RPS25: variants seen among roughly 807,000 people sequenced by gnomAD.
RPS25 encodes ribosomal protein S25.
A neutral mutation model predicts 14.4 loss-of-function variants in RPS25; 1 was observed. That is an observed-to-expected ratio of 0.07 (90% CI 0.02 to 0.33). The LOEUF (loss-of-function observed/expected upper bound fraction) is 0.33. Among genes scored for constraint, RPS25 ranks in the 10% least tolerant of loss-of-function variants. The probability of loss-of-function intolerance (pLI) is 1.00; values close to 1 mark genes in which losing one functional copy is unlikely to be tolerated. For missense variants in RPS25, 65 were observed against 144.6 expected (o/e 0.45, Z 2.82); for synonymous variants, 63 against 53.8 (o/e 1.17, Z -0.75).
At chr11:119,016,280 T>C (rs1454115115) in intron 3 of RPS25, among the ~76,000 whole-genome samples, 2 of 152,106 alleles carry the variant, frequency 1.3e-5, no homozygotes, top group Admixed American at 6.6e-5. Flanking sequence ...AATGAGACTC[T>C]AGTAAGGTTT....
chr11:119,017,258 CT>C (rs368289484), intron 3 of RPS25, 103 bp downstream of exon 3: 49,227 of 616,794 alleles, frequency 0.08, 2 homozygotes, highest in East Asian at 0.11. Context: ...TCAAGCCACG[CT>C]TTTTTTTTTT....
intron 3 of RPS25, among the ~76,000 whole-genome samples, chr11:119,016,813 G>A (rs908660586): frequency 2.6e-5 from 4 of 151,916 alleles, no homozygotes; most frequent in African/African-American, 9.7e-5. Flanking sequence ...AGTAGAGCAG[G>A]TTTTCACCAT....
intron 3 of RPS25, 27 bp downstream of exon 3, chr11:119,017,335 A>G (rs761303503): frequency 1.3e-4 from 199 of 1,532,336 alleles, no homozygotes; most frequent in Middle Eastern, 1.7e-4. Context: ...AACCTACAAA[A>G]ACACACATGT....
rs186247013 is a variant in RPS25, at chr11:119,018,205, A to G, written c.3+77T>C. On this transcript the variant is annotated intron_variant, in intron 1 of 4. Transcript: ENST00000527673. ...TGCAACCGAGGCCGGCAGGCCAAGG[A>G]GCGCTCCCGCCGAAGGCTCTCCCCA... 1.5e-3 allele frequency: 2,340 copies of G among 1,607,234 alleles called. 9 individuals are homozygous for G. The highest frequency in any genetic ancestry group is 7.4e-3 in the South Asian group (669 of 90,934).
chr11:119,017,666 T>C, intron 2 of RPS25, 121 bp from the exon 3 acceptor site: 3 of 955,082 alleles, frequency 3.1e-6, no homozygotes, highest in African/African-American at 1.7e-5. Context: ...TACACATTAC[T>C]AAAACAAAAA....
intron 3 of RPS25, 85 bp from the exon 4 acceptor site, chr11:119,016,024 A>G: frequency 1.2e-6 from 1 of 811,510 alleles, no homozygotes; most frequent in Non-Finnish European, 2.2e-6. Context: ...GCGGTGGCTC[A>G]TGCTTATAAT....
chr11:119,017,637 A>T, intron 2 of RPS25, 92 bp from the exon 3 acceptor site: 1 of 1,145,532 alleles, frequency 8.7e-7, no homozygotes. Flanking sequence ...AATCTGTTCC[A>T]CCGTTATCAA....
intron 3 of RPS25, among the ~76,000 whole-genome samples, chr11:119,016,860 G>A (rs1397322442): frequency 6.6e-6 from 1 of 152,098 alleles, no homozygotes; most frequent in Non-Finnish European, 1.5e-5. Context: ...GACCTCCGTT[G>A]ATTCACCCGC....
At chr11:119,017,762 CG>C in intron 2 of RPS25, 195 bp downstream of exon 2, 1 of 660,566 alleles carries the variant, frequency 1.5e-6, no homozygotes, top group South Asian at 2.0e-5. Flanking sequence ...GCAGGCACAG[CG>C]GCAGACACTT....
rs781804688 is a variant in RPS25, at chr11:119,018,099, A to G, written c.4-46T>C. 1.6e-5 allele frequency: 25 copies of G among 1,589,706 alleles called. No homozygotes were observed. The East Asian group carries it at 4.9e-4, about 31-fold the overall frequency. On this transcript the variant is annotated intron_variant, in intron 1 of 4. Transcript: ENST00000527673. ...TGCAACCAGGTCCTCAAATAGCGCC[A>G]AAGTCCCCTAATACTGCGCCCTCAG...
At chr11:119,018,120 CT>C in intron 1 of RPS25, 67 bp from the exon 2 acceptor site, 1 of 1,570,746 alleles carries the variant, frequency 6.4e-7, no homozygotes. Flanking sequence ...ATACTGCGCC[CT>C]CAGCCCCCGC....
At chr11:119,017,918 G>C (rs201468723) in intron 2 of RPS25, 40 bp downstream of exon 2, 2 of 1,493,318 alleles carry the variant, frequency 1.3e-6, no homozygotes, top group African/African-American at 1.4e-5. Flanking sequence ...GATTACGAGA[G>C]AGTTACCCCT....
chr11:119,017,471 G>C lies in RPS25; in HGVS notation c.174C>G (p.Leu58=), dbSNP rs782031879. 4 of 1,614,112 alleles carry C rather than the reference G, an allele frequency of 2.5e-6. No individual in the cohort carries two copies. Among genetic ancestry groups the C allele is most frequent in the Non-Finnish European group, 3.4e-6 (4 of 1,179,974 alleles). ...VLFDKATYDK[L]CKEVPNYKLI... ...GTTTATAGTTGGGAACTTCCTTACA[G>C]AGTTTATCATAGGTAGCTTTGTCAA... The change falls in exon 3 of 5, where the codon CTC becomes CTG. Residue 58 remains leucine (L), a synonymous_variant. Transcript: ENST00000527673.
intron 3 of RPS25, among the ~76,000 whole-genome samples, chr11:119,016,644 C>A (rs908338019): frequency 2.0e-5 from 3 of 151,400 alleles, no homozygotes; most frequent in South Asian, 2.1e-4. Flanking sequence ...ACCCCCCCCC[C>A]CTTTCTGAGA....
intron 3 of RPS25, 124 bp downstream of exon 3, chr11:119,017,238 C>T: frequency 1.5e-6 from 1 of 674,332 alleles, no homozygotes. Flanking sequence ...ACATTACTAA[C>T]AGCCAATGGT....
chr11:119,017,913 CGAGA>C (rs782053578), intron 2 of RPS25, 41 bp downstream of exon 2: 48 of 1,472,378 alleles, frequency 3.3e-5, no homozygotes, highest in Non-Finnish European at 4.5e-5. Context: ...TAGAGGATTA[CGAGA>C]GAGTTACCCC....
intron 1 of RPS25, 79 bp downstream of exon 1, chr11:119,018,203 G>A: frequency 6.2e-7 from 1 of 1,607,052 alleles, no homozygotes; most frequent in South Asian, 1.1e-5. Flanking sequence ...GGCAGGCCAA[G>A]GAGCGCTCCC....
rs569971045 is a variant in RPS25 at position 119,017,245 on chromosome 11, T to A, written c.283+117A>T. ...TCAGAATTACATTACTAACAGCCAA[T>A]GGTCAAGCCACGCTTTTTTTTTTTA... On this transcript the variant is annotated intron_variant, in intron 3 of 4. Coordinates refer to ENST00000527673, the MANE Select transcript of RPS25 (RefSeq NM_001028.3). 10 of 730,454 alleles carry A rather than the reference T, an allele frequency of 1.4e-5. No homozygotes were observed. In the African/African-American group the frequency reaches 1.8e-4, roughly 13 times the overall value. 45.2% of individuals were successfully genotyped at this position (730,454 alleles called of 1,614,324 possible).
intron 3 of RPS25, among the ~76,000 whole-genome samples, 188 bp from the exon 4 acceptor site, chr11:119,016,127 A>G (rs898357389): frequency 5.3e-5 from 8 of 152,142 alleles, no homozygotes; most frequent in African/African-American, 1.9e-4. Flanking sequence ...ATCTCTACCA[A>G]AAATACAAAA....
Sources: gnomAD v4.1 joint callset for allele counts (sites outside exome capture counted in the v4.1 genomes callset) on GRCh38, gnomAD v4.1.1 for gene constraint, MANE v1.5 for transcripts, NCBI Gene and HGNC (gene_info 2026-07-23, HGNC 2026-07-21) for gene names.